The following MIR2052HG variants were observed in gnomAD, a reference collection of about 807,000 sequenced individuals.
MIR2052HG encodes the protein MIR2052 host gene.
At chr8:74,604,552 C>G (rs1458265175) in intron 1 of MIR2052HG, among the ~76,000 whole-genome samples, 1 of 133,370 alleles carries the variant, frequency 7.5e-6, no homozygotes, top group African/African-American at 2.9e-5. Context: ...TGCGGCTGCT[C>G]AAGCTGCTCT....
chr8:74,670,284 T>TTATTAAAAAAATAACTTAAAAAA (rs59609164), intron 2 of MIR2052HG, among the ~76,000 whole-genome samples: 10,132 of 152,206 alleles, frequency 0.067, 677 homozygotes, highest in African/African-American at 0.17. Context: ...TTAACAAAAA[T>TTATTAAAAAAATAACTTAAAAAA]ATATTAACTG....
At chr8:74,626,004 G>A (rs556824675) in intron 2 of MIR2052HG, among the ~76,000 whole-genome samples, 3 of 152,230 alleles carry the variant, frequency 2.0e-5, no homozygotes, top group African/African-American at 7.2e-5. Context: ...AATTACAGAA[G>A]CCCCAAAGAG....
At chr8:74,750,412 T>C (rs564279287) in intron 4 of MIR2052HG, among the ~76,000 whole-genome samples, 14 of 152,212 alleles carry the variant, frequency 9.2e-5, no homozygotes, top group Non-Finnish European at 1.8e-4. Context: ...CTGAGATGTG[T>C]AGTAATCATA....
intron 1 of MIR2052HG, chr8:74,603,508 G>C (rs2128730357): frequency 3.8e-6 from 6 of 1,559,736 alleles, no homozygotes; most frequent in Non-Finnish European, 3.5e-6. Flanking sequence ...GTTTGGAATG[G>C]TAAGTTCATG....
At chr8:74,718,435 C>T (rs1809542404) in intron 4 of MIR2052HG, among the ~76,000 whole-genome samples, 1 of 152,046 alleles carries the variant, frequency 6.6e-6, no homozygotes, top group South Asian at 2.1e-4. Context: ...TTTTCCTCAC[C>T]TGTATGGTTT....
At chr8:74,604,907 T>C (rs770429677) in intron 1 of MIR2052HG, among the ~76,000 whole-genome samples, 12 of 152,202 alleles carry the variant, frequency 7.9e-5, no homozygotes, top group Non-Finnish European at 1.3e-4. Context: ...TCTTTACTTC[T>C]TTAATTAACT....
At chr8:74,660,457 G>A (rs1808849764) in intron 2 of MIR2052HG, among the ~76,000 whole-genome samples, 1 of 152,182 alleles carries the variant, frequency 6.6e-6, no homozygotes, top group African/African-American at 2.4e-5. Context: ...TGTGTAAACA[G>A]GTGGAAATTC....
intron 4 of MIR2052HG, among the ~76,000 whole-genome samples, chr8:74,737,591 T>G (rs1207069183): frequency 6.6e-6 from 1 of 152,180 alleles, no homozygotes; most frequent in Non-Finnish European, 1.5e-5. Flanking sequence ...ACCTCAATTC[T>G]GATATCTTGT....
At chr8:74,676,034 A>G (rs1160531972) in intron 2 of MIR2052HG, among the ~76,000 whole-genome samples, 3 of 152,062 alleles carry the variant, frequency 2.0e-5, no homozygotes, top group African/African-American at 7.2e-5. Flanking sequence ...CTCAAGAGCA[A>G]TAATAAAGTC....
At chr8:74,634,709 C>T (rs1808559344) in intron 2 of MIR2052HG, among the ~76,000 whole-genome samples, 1 of 152,098 alleles carries the variant, frequency 6.6e-6, no homozygotes, top group Non-Finnish European at 1.5e-5. Context: ...TCTGTTAATA[C>T]ACTGCTCTTA....
chr8:74,720,404 T>C (rs1190064371), intron 4 of MIR2052HG, among the ~76,000 whole-genome samples: 1 of 152,216 alleles, frequency 6.6e-6, no homozygotes, highest in Non-Finnish European at 1.5e-5. Context: ...AGTCAATGCA[T>C]AGCAAGATTC....
At chr8:74,730,635 G>T (rs1218980295) in intron 4 of MIR2052HG, among the ~76,000 whole-genome samples, 2 of 152,154 alleles carry the variant, frequency 1.3e-5, no homozygotes, top group Admixed American at 1.3e-4. Flanking sequence ...GGTAGGAGTA[G>T]ATATTGGCAT....
intron 2 of MIR2052HG, among the ~76,000 whole-genome samples, chr8:74,628,550 T>C (rs915028497): frequency 1.3e-5 from 2 of 152,184 alleles, no homozygotes; most frequent in East Asian, 3.9e-4. Flanking sequence ...CAAAGCCTAA[T>C]TGGCAAACCG....
At chr8:74,749,934 A>T (rs1446200338) in intron 4 of MIR2052HG, among the ~76,000 whole-genome samples, 1 of 151,814 alleles carries the variant, frequency 6.6e-6, no homozygotes, top group Non-Finnish European at 1.5e-5. Context: ...CTAAGAGTCC[A>T]TTCAAAACTC....
At chr8:74,619,202 C>G (rs533768855) in intron 2 of MIR2052HG, among the ~76,000 whole-genome samples, 30 of 151,990 alleles carry the variant, frequency 2.0e-4, no homozygotes, top group Non-Finnish European at 4.1e-4. Flanking sequence ...CTACCCAAAG[C>G]AATATACAAA....
intron 4 of MIR2052HG, among the ~76,000 whole-genome samples, chr8:74,748,795 C>T (rs1809913405): frequency 6.6e-6 from 1 of 152,120 alleles, no homozygotes; most frequent in South Asian, 2.1e-4. Flanking sequence ...GGAGATTCTG[C>T]AATGAGATAT....
intron 2 of MIR2052HG, among the ~76,000 whole-genome samples, chr8:74,670,201 A>T (rs540810353): frequency 6.6e-6 from 1 of 152,244 alleles, no homozygotes; most frequent in Admixed American, 6.5e-5. Context: ...GCTACTTTTT[A>T]TGGAAGATTG....
intron 2 of MIR2052HG, among the ~76,000 whole-genome samples, chr8:74,692,498 C>T (rs537043656): frequency 3.9e-5 from 6 of 152,090 alleles, no homozygotes; most frequent in South Asian, 2.1e-4. Context: ...GACTTTTGGG[C>T]GTGATGACGT....
chr8:74,687,043 G>A (rs6997181), intron 2 of MIR2052HG, among the ~76,000 whole-genome samples: 16,478 of 152,104 alleles, frequency 0.11, 2,072 homozygotes, highest in African/African-American at 0.31. Flanking sequence ...AGAAGAACTT[G>A]AGCAGATATT....
Sources: allele counts gnomAD v4.1 joint callset (sites outside exome capture counted in the v4.1 genomes callset), GRCh38; gene constraint gnomAD v4.1.1; transcripts MANE v1.5; gene names NCBI Gene and HGNC (gene_info 2026-07-23, HGNC 2026-07-21).